The following ABHD2 variants were observed in gnomAD, a reference collection of about 807,000 sequenced individuals.
ABHD2 encodes the protein abhydrolase domain containing 2, acylglycerol lipase, also known as monoacylglycerol lipase ABHD2.
Under a neutral mutation model 48.1 loss-of-function variants are expected in ABHD2, and 20 were observed. The ratio of observed to expected loss-of-function variants is 0.42; its 90% CI spans 0.29 to 0.60. The LOEUF is 0.60. Among genes scored for constraint, ABHD2 ranks in the 20% least tolerant of loss-of-function variants. ABHD2 has a pLI of 0.24. For missense variants in ABHD2, 405 were observed against 550.9 expected, an observed-to-expected ratio of 0.74 and a Z score of 2.65; for synonymous variants, 209 against 214.2, an observed-to-expected ratio of 0.98 and a Z score of 0.21.
intron 1 of ABHD2, among the ~76,000 whole-genome samples, chr15:89,112,532 A>G (rs993143739): frequency 1.1e-4 from 17 of 152,194 alleles, no homozygotes; most frequent in Non-Finnish European, 2.1e-4. Context: ...CAGAATAGGG[A>G]CAGATAATAA....
At position 89,100,642 on chromosome 15, in the gene ABHD2, G is replaced by C. The variant is rs2049686974; in HGVS notation, c.-107+12079G>C. Among the ~76,000 whole-genome samples, 1 of 152,150 alleles carries C rather than the reference G, an allele frequency of 6.6e-6. No individual in the cohort carries two copies. Among genetic ancestry groups the C allele is most frequent in the Non-Finnish European group, 1.5e-5 (1 of 68,036 alleles). On this transcript the variant is annotated intron_variant, in intron 1 of 10. Transcript: ENST00000352732. The surrounding 1 kb of genome is among the most constrained non-coding windows in gnomAD (Gnocchi z 4.4). ...CCCAGCACTTTCGGAGGCTGAGGTGGGTGGATCACGAGGTCAGGAGTTCGA... is the reference window on the plus strand; with the variant it reads ...CCCAGCACTTTCGGAGGCTGAGGTGCGTGGATCACGAGGTCAGGAGTTCGA...
the ABHD2 span, among the ~76,000 whole-genome samples, chr15:89,060,754 G>A: frequency 6.6e-6 from 1 of 152,094 alleles, no homozygotes; most frequent in African/African-American, 2.4e-5. Flanking sequence ...AAAGACAAAG[G>A]GGGGAAGTGT....
At chr15:89,068,911 G>T in the ABHD2 span, among the ~76,000 whole-genome samples, 1 of 150,808 alleles carries the variant, frequency 6.6e-6, no homozygotes, top group African/African-American at 2.4e-5. Flanking sequence ...TGGGACTACA[G>T]GCGCATGCCA....
rs146104314 is a variant in ABHD2 at position 89,151,242 on chromosome 15, C to G, written c.195-435C>G. 4.7e-4 allele frequency among the ~76,000 whole-genome samples: 72 copies of G among 152,308 alleles called. No individual in the cohort carries two copies. In the East Asian group the frequency reaches 0.013, roughly 28 times the overall value. On this transcript the variant is annotated intron_variant, in intron 3 of 10. Transcript: ENST00000352732. This position sits in a 1 kb window ranked among gnomAD's most constrained non-coding sequence, Gnocchi z 4.7. The stretch of plus-strand genomic sequence containing the variant: ...AATGGAGTAACCACTACAGCTGTGG[C>G]CTGTCTCGTTAGGGAAAGAAGAAGT...
At chr15:89,183,735 T>C (rs1301915982) in intron 6 of ABHD2, among the ~76,000 whole-genome samples, 1 of 152,008 alleles carries the variant, frequency 6.6e-6, no homozygotes, top group Admixed American at 6.6e-5. Flanking sequence ...CACACCCTCC[T>C]CCCTTCCCTA....
In ABHD2 at chr15:89,175,743, TC is replaced by T; in HGVS notation, c.539-67del. ...TATACTGGCACCCATTTAGTAACGT[TC>T]CAGCTTGCATTTTCTCCAGATAGGA... On this transcript the variant is annotated intron_variant, in intron 5 of 10. Coordinates refer to ENST00000352732, the MANE Select transcript of ABHD2 (RefSeq NM_152924.5). This position sits in a 1 kb window ranked among gnomAD's most constrained non-coding sequence, Gnocchi z 5.7. 1 of 1,559,300 alleles carries T rather than the reference TC, an allele frequency of 6.4e-7. No homozygotes were observed. The highest frequency in any genetic ancestry group is 1.1e-5 in the South Asian group (1 of 89,166).
chr15:89,133,409 G>A (rs146483746), intron 3 of ABHD2, among the ~76,000 whole-genome samples: 4 of 152,306 alleles, frequency 2.6e-5, no homozygotes, highest in African/African-American at 9.6e-5. Flanking sequence ...CCTAGAGGTG[G>A]AACTACTGGG....
chr15:89,143,264 C>T (rs2050434557), intron 3 of ABHD2, among the ~76,000 whole-genome samples: 1 of 152,172 alleles, frequency 6.6e-6, no homozygotes, highest in Non-Finnish European at 1.5e-5. Flanking sequence ...TTCAATTTAC[C>T]ACATGCAGTT....
chr15:89,128,056 TTC>T (rs1162526565), intron 3 of ABHD2, among the ~76,000 whole-genome samples: 3 of 152,168 alleles, frequency 2.0e-5, no homozygotes, highest in Non-Finnish European at 2.9e-5. Context: ...GTCTTAAAAA[TTC>T]TCTGTCTTCC....
At chr15:89,115,065 G>T (rs1361564236) in intron 2 of ABHD2, among the ~76,000 whole-genome samples, 1 of 152,124 alleles carries the variant, frequency 6.6e-6, no homozygotes, top group Non-Finnish European at 1.5e-5. Context: ...AGTTCAGTCG[G>T]TTATACCCCA....
chr15:89,068,961 G>T, the ABHD2 span, among the ~76,000 whole-genome samples: 4 of 150,860 alleles, frequency 2.7e-5, no homozygotes, highest in African/African-American at 9.7e-5. Context: ...TAGAAATGGG[G>T]TTTCACCATA....
At chr15:89,193,499 A>G in intron 10 of ABHD2, 180 bp downstream of exon 10, 1 of 615,106 alleles carries the variant, frequency 1.6e-6, no homozygotes, top group South Asian at 1.9e-5. Context: ...GGGCTTGGGC[A>G]TCAGGCCTCC....
chr15:89,117,127 G>C lies in ABHD2; in HGVS notation c.194+606G>C, dbSNP rs553685949. Among the ~76,000 whole-genome samples, 21 of 152,308 alleles carry C rather than the reference G, an allele frequency of 1.4e-4. 1 individual carries two copies. The East Asian group carries it at 4.1e-3, about 29-fold the overall frequency. ...TGCAACCTCCACCTCCCGGGTTCAA[G>C]CGATTCTGGTGTCTCAGCCTCTGGA... On this transcript the variant is annotated intron_variant, in intron 3 of 10. Transcript: ENST00000352732.
intron 3 of ABHD2, among the ~76,000 whole-genome samples, chr15:89,130,372 T>A (rs960288998): frequency 3.9e-5 from 6 of 152,134 alleles, no homozygotes; most frequent in Admixed American, 2.0e-4. Flanking sequence ...GGAAGAGCAA[T>A]GTCACACCTC....
the ABHD2 span, among the ~76,000 whole-genome samples, chr15:89,060,972 G>A: frequency 4.6e-5 from 7 of 151,932 alleles, no homozygotes; most frequent in Non-Finnish European, 8.8e-5. Flanking sequence ...TATCCTAAAT[G>A]AATTAATGAA....
the ABHD2 span, among the ~76,000 whole-genome samples, chr15:89,066,621 T>C: frequency 6.6e-6 from 1 of 152,170 alleles, no homozygotes; most frequent in East Asian, 1.9e-4. Context: ...TCCTATCATA[T>C]TTCCTTCCCA....
In ABHD2 at chr15:89,120,978, T is replaced by A. The variant is rs2050040858; in HGVS notation, c.194+4457T>A. On this transcript the variant is annotated intron_variant, in intron 3 of 10. Transcript: ENST00000352732. This position sits in a 1 kb window ranked among gnomAD's most constrained non-coding sequence, Gnocchi z 4.2. ...ATAGATATTGTTTAGTAACCTGCTT[T>A]CACCAAACCATGATGAACGTTGCCA... 6.6e-6 allele frequency: 1 copy of A among 152,222 alleles called. No homozygotes were observed. Among genetic ancestry groups the A allele is most frequent in the Non-Finnish European group, 1.5e-5 (1 of 68,040 alleles). The allele number at this position is 152,222 out of a possible 1,614,324, so 9.4% of individuals were successfully genotyped here.
At position 89,177,147 on chromosome 15, in the gene ABHD2, C is replaced by T. The variant is rs2051027497; in HGVS notation, c.722+1152C>T. ...TGAAACCCTTCCTGAGTCCCAGGAC[C>T]AAGGTCTGGGTTCTATTTTTCCGTG... On this transcript the variant is annotated intron_variant, in intron 6 of 10. Coordinates refer to ENST00000352732, the MANE Select transcript of ABHD2 (RefSeq NM_152924.5). The surrounding 1 kb of genome is among the most constrained non-coding windows in gnomAD (Gnocchi z 5.6). 6.6e-6 allele frequency among the ~76,000 whole-genome samples: 1 copy of T among 152,114 alleles called. No homozygotes were observed. Among genetic ancestry groups the T allele is most frequent in the South Asian group, 2.1e-4 (1 of 4,822 alleles).
intron 5 of ABHD2, among the ~76,000 whole-genome samples, chr15:89,171,818 C>T (rs2050933109): frequency 6.6e-6 from 1 of 152,176 alleles, no homozygotes; most frequent in South Asian, 2.1e-4. Context: ...GCCACAGCCA[C>T]AGTGGTTGCA....
Sources: allele counts gnomAD v4.1 joint callset (sites outside exome capture counted in the v4.1 genomes callset), GRCh38; gene constraint gnomAD v4.1.1; non-coding constraint Gnocchi (gnomAD v3.1); transcripts MANE v1.5; gene names NCBI Gene and HGNC (gene_info 2026-07-23, HGNC 2026-07-21).